Variants in CDK14 observed in about 807,000 individuals in gnomAD.
The protein encoded by CDK14 is cyclin dependent kinase 14.
A neutral mutation model predicts 60.7 loss-of-function variants in CDK14; 34 were observed. That is an observed-to-expected ratio of 0.56 (90% confidence interval 0.43 to 0.75). The LOEUF (loss-of-function observed/expected upper bound fraction) is 0.75, where lower values mean the gene tolerates loss of function less well. Among genes scored for constraint, CDK14 ranks in the 30% least tolerant of loss-of-function variants. The pLI, the probability that CDK14 is intolerant of heterozygous loss-of-function variation, is 0.00. For synonymous variants in CDK14, 197 were observed against 203.7 expected (o/e 0.97, Z 0.28); for missense variants, 482 against 564.1 (o/e 0.85, Z 1.47).
intron 3 of CDK14, among the ~76,000 whole-genome samples, chr7:90,734,415 G>T (rs557926238): frequency 6.6e-6 from 1 of 152,142 alleles, no homozygotes; most frequent in Non-Finnish European, 1.5e-5. Context: ...TTCCAACTTG[G>T]TTCTATTCTC....
intron 2 of CDK14, among the ~76,000 whole-genome samples, chr7:90,643,617 C>A (rs778475016): frequency 6.6e-6 from 1 of 152,116 alleles, no homozygotes; most frequent in African/African-American, 2.4e-5. Flanking sequence ...TTCTCATGCC[C>A]AAGCTCTTTC....
At chr7:90,650,263 GT>G (rs1340014851) in intron 2 of CDK14, among the ~76,000 whole-genome samples, 1 of 152,198 alleles carries the variant, frequency 6.6e-6, no homozygotes, top group Non-Finnish European at 1.5e-5. Flanking sequence ...CTTCTTTTGA[GT>G]AGTGTCTGTT....
chr7:90,716,295 G>C (rs1802247446), intron 2 of CDK14: 1 of 151,862 alleles, frequency 6.6e-6, no homozygotes, highest in Non-Finnish European at 1.5e-5. Context: ...TAGGATACAT[G>C]GTACTCTTCA....
intron 10 of CDK14, among the ~76,000 whole-genome samples, chr7:91,005,255 G>GCT (rs1795947690): frequency 1.3e-5 from 2 of 152,214 alleles, no homozygotes; most frequent in Non-Finnish European, 2.9e-5. Flanking sequence ...GACAAGGGCT[G>GCT]GAAAGCTGGA....
At chr7:90,777,662 C>T (rs1805105672) in intron 4 of CDK14, among the ~76,000 whole-genome samples, 1 of 152,148 alleles carries the variant, frequency 6.6e-6, no homozygotes, top group Admixed American at 6.5e-5. Context: ...TCGGCCCATC[C>T]CTCTCCATGC....
chr7:90,757,937 A>C (rs550537279), intron 4 of CDK14, among the ~76,000 whole-genome samples: 1 of 152,166 alleles, frequency 6.6e-6, no homozygotes, highest in African/African-American at 2.4e-5. Context: ...AGTAGTTGCT[A>C]TTAGGCATAG....
At chr7:91,170,398 G>T (rs866894425) in intron 14 of CDK14, among the ~76,000 whole-genome samples, 1 of 152,082 alleles carries the variant, frequency 6.6e-6, no homozygotes, top group African/African-American at 2.4e-5. Context: ...AAGTGTGTCC[G>T]AATCTACTGC....
At chr7:91,145,954 A>ATTTATTTATTTT (rs1562923952) in intron 14 of CDK14, among the ~76,000 whole-genome samples, 4 of 127,814 alleles carry the variant, frequency 3.1e-5, no homozygotes, top group African/African-American at 1.1e-4. Flanking sequence ...TTATTTATTT[A>ATTTATTTATTTT]TTTTTTATGT....
intron 11 of CDK14, among the ~76,000 whole-genome samples, chr7:91,078,380 G>A (rs1422860073): frequency 6.6e-6 from 1 of 152,206 alleles, no homozygotes; most frequent in East Asian, 1.9e-4. Context: ...GCCAAGGCAG[G>A]TCGATCACCT....
rs146721830 is a variant in CDK14 at position 90,922,949 on chromosome 7, A to C, written c.826+5225A>C. On this transcript the variant is annotated intron_variant, in intron 8 of 14. Coordinates refer to ENST00000380050, the MANE Select transcript of CDK14 (RefSeq NM_001287135.2). ...ATATGCACAGCCTCCCCCACTATTA[A>C]CATCTGGCACCAGGGTTATACATGT... Among the ~76,000 whole-genome samples the C allele has an allele frequency of 3.4e-3, 511 of 152,122 alleles. 4 individuals carry two copies. Among genetic ancestry groups the C allele is most frequent in the South Asian group, 0.019 (91 of 4,810 alleles).
chr7:90,681,709 A>G (rs1176811955), intron 2 of CDK14, among the ~76,000 whole-genome samples: 1 of 152,178 alleles, frequency 6.6e-6, no homozygotes, highest in African/African-American at 2.4e-5. Context: ...TATTGACTCA[A>G]ATGTAGGAGA....
chr7:90,863,947 CTA>C (rs1791093600), intron 6 of CDK14, among the ~76,000 whole-genome samples: 1 of 151,992 alleles, frequency 6.6e-6, no homozygotes, highest in African/African-American at 2.4e-5. Context: ...TGAAATGTAA[CTA>C]TGATAATTAA....
chr7:90,973,280 C>T (rs1794979047), intron 9 of CDK14, among the ~76,000 whole-genome samples: 1 of 152,138 alleles, frequency 6.6e-6, no homozygotes. Context: ...GGCAGGTCTC[C>T]CCCCACCATA....
chr7:91,195,009 A>G (rs1366323496), intron 14 of CDK14, among the ~76,000 whole-genome samples: 2 of 152,186 alleles, frequency 1.3e-5, no homozygotes, highest in Non-Finnish European at 2.9e-5. Context: ...AATGGAAGTG[A>G]GAGATTGACC....
At chr7:90,889,710 A>T (rs1792055400) in intron 6 of CDK14, among the ~76,000 whole-genome samples, 1 of 152,224 alleles carries the variant, frequency 6.6e-6, no homozygotes, top group Non-Finnish European at 1.5e-5. Flanking sequence ...TAGAATTTTA[A>T]ATCTTTCCTA....
At chr7:90,708,120 A>AT (rs1215192226) in intron 2 of CDK14, among the ~76,000 whole-genome samples, 2 of 152,202 alleles carry the variant, frequency 1.3e-5, no homozygotes, top group Non-Finnish European at 2.9e-5. Context: ...AAATTCATTA[A>AT]TTTTTTAAAT....
chr7:90,639,600 G>A (rs1800263715), intron 2 of CDK14, among the ~76,000 whole-genome samples: 1 of 151,040 alleles, frequency 6.6e-6, no homozygotes, highest in South Asian at 2.1e-4. Flanking sequence ...ACTTGAGGAG[G>A]CAGTCTGCCC....
chr7:90,792,982 G>A (rs1805896304), intron 5 of CDK14, among the ~76,000 whole-genome samples: 1 of 152,024 alleles, frequency 6.6e-6, no homozygotes, highest in Admixed American at 6.6e-5. Context: ...GAGTTTCTTT[G>A]TCCATTTATC....
intron 11 of CDK14, among the ~76,000 whole-genome samples, chr7:91,052,693 A>G (rs1476586092): frequency 6.6e-6 from 1 of 152,230 alleles, no homozygotes; most frequent in East Asian, 1.9e-4. Context: ...GAAGCAATTA[A>G]AAGTGATGAA....
Sources: allele counts gnomAD v4.1 joint callset (sites outside exome capture counted in the v4.1 genomes callset), GRCh38; gene constraint gnomAD v4.1.1; transcripts MANE v1.5; gene names NCBI Gene and HGNC (gene_info 2026-07-23, HGNC 2026-07-21).